The following ITSN1 variants were observed in gnomAD, a reference collection of about 807,000 sequenced individuals.
The protein encoded by ITSN1 is intersectin-1.
In ITSN1, 58 loss-of-function variants were observed where a neutral mutation model predicts 239.8. The observed-to-expected ratio is 0.24, with a 90% CI of 0.20 to 0.30. The LOEUF (loss-of-function observed/expected upper bound fraction) is 0.30, where lower values mean the gene tolerates loss of function less well. ITSN1 is among the 10% of genes least tolerant of loss of function. The pLI is 1.00. For missense variants in ITSN1, 1,558 were observed against 2,103.3 expected, an observed-to-expected ratio of 0.74 and a Z score of 5.07; for synonymous variants, 780 against 770.8, an observed-to-expected ratio of 1.01 and a Z score of -0.20.
At chr21:33,692,357 G>T (rs2091587154) in intron 1 of ITSN1, among the ~76,000 whole-genome samples, 1 of 152,126 alleles carries the variant, frequency 6.6e-6, no homozygotes, top group South Asian at 2.1e-4. Flanking sequence ...TAACTTTAAA[G>T]CATTGATCAT....
At chr21:33,813,242 G>A (rs927680637) in intron 21 of ITSN1, among the ~76,000 whole-genome samples, 2 of 151,904 alleles carry the variant, frequency 1.3e-5, no homozygotes, top group Non-Finnish European at 1.5e-5. Context: ...GTGCAGTGGC[G>A]TGATCTCAGC....
At chr21:33,758,315 A>C (rs1329577061) in intron 8 of ITSN1, among the ~76,000 whole-genome samples, 1 of 151,906 alleles carries the variant, frequency 6.6e-6, no homozygotes, top group African/African-American at 2.4e-5. Flanking sequence ...GGGTTTTGCC[A>C]TGTTCCCCAG....
chr21:33,759,770 A>G (rs1260256126), intron 8 of ITSN1, among the ~76,000 whole-genome samples: 2 of 152,330 alleles, frequency 1.3e-5, no homozygotes, highest in African/African-American at 2.4e-5. Flanking sequence ...TATTAATAGT[A>G]GCCCTAATTG....
Position 33,895,587 on chromosome 21 carries a change from T to TTGTG in ITSN1, c.*7288_*7291dup, listed in dbSNP as rs1290379890. ...CGTGTATGTGTGCGTGTGTGCATGT[T>TTGTG]TGTGAGTGCATGTGTTTGTGCGTGT... is the stretch of plus-strand genomic sequence containing the variant. On this transcript the variant is annotated 3_prime_UTR_variant, in exon 40 of 40. Coordinates refer to ENST00000381318, the MANE Select transcript of ITSN1 (RefSeq NM_003024.3). The TTGTG allele has an allele frequency of 3.7e-5, 5 of 134,974 alleles. No individual in the cohort carries two copies. Among genetic ancestry groups the TTGTG allele is most frequent in the African/African-American group, 1.1e-4 (4 of 37,132 alleles). 8.4% of individuals were successfully genotyped at this position (134,974 alleles called of 1,614,324 possible). A position where few individuals can be genotyped will look rare whatever the true frequency, so the allele number is the denominator to read the frequency against.
chr21:33,671,195 C>G (rs115197438), intron 1 of ITSN1, among the ~76,000 whole-genome samples: 6 of 152,200 alleles, frequency 3.9e-5, no homozygotes, highest in Admixed American at 2.6e-4. Context: ...CCAAAAATAC[C>G]CCACGGATTT....
At chr21:33,728,897 A>G (rs1056513507) in intron 4 of ITSN1, among the ~76,000 whole-genome samples, 2 of 150,140 alleles carry the variant, frequency 1.3e-5, no homozygotes, top group Non-Finnish European at 3.0e-5. Context: ...CCCCTGCCCC[A>G]TAATTGGTTT....
At chr21:33,743,496 TAAA>T (rs1345059582) in intron 5 of ITSN1, among the ~76,000 whole-genome samples, 1 of 151,298 alleles carries the variant, frequency 6.6e-6, no homozygotes, top group Non-Finnish European at 1.5e-5. Context: ...GGAAAAGATA[TAAA>T]AAGAATTTGA....
Position 33,797,500 on chromosome 21 carries a change from G to T in ITSN1, c.2074G>T (p.Asp692Tyr). Residue 692 changes from aspartate (D) to tyrosine (Y), a missense_variant, in exon 18 of 40, where the codon GAT (aspartate) becomes TAT (tyrosine). Asp to Tyr is a radical substitution (Grantham distance 160, BLOSUM62 -3). Transcript: ENST00000381318. The surrounding 1 kb of genome is among the most constrained non-coding windows in gnomAD (Gnocchi z 4.9). ...LKREESVKKK[D>Y]GEEKGKQEAQ... Reference sequence around the variant, plus strand: ...AAGGGAGGAGAGTGTCAAAAAGAAGGATGGCGAGGAAAAAGGCAAACAGGA... The same window carrying T: ...AAGGGAGGAGAGTGTCAAAAAGAAGTATGGCGAGGAAAAAGGCAAACAGGA... 1 of 1,614,164 alleles carries T rather than the reference G, an allele frequency of 6.2e-7. No individual in the cohort carries two copies. Among genetic ancestry groups the T allele is most frequent in the South Asian group, 1.1e-5 (1 of 91,072 alleles).
intron 1 of ITSN1, 50 bp from the exon 2 acceptor site, chr21:33,718,747 A>T: frequency 8.4e-7 from 1 of 1,184,376 alleles, no homozygotes; most frequent in Non-Finnish European, 1.3e-6. Context: ...GTTTATGATT[A>T]TACAGGAATT....
At chr21:33,768,443 G>A (rs1214928157) in intron 11 of ITSN1, among the ~76,000 whole-genome samples, 1 of 152,012 alleles carries the variant, frequency 6.6e-6, no homozygotes, top group Non-Finnish European at 1.5e-5. Context: ...ACCACGCCCG[G>A]CTAATTTTTG....
At chr21:33,876,990 T>C (rs1602689339) in intron 34 of ITSN1, among the ~76,000 whole-genome samples, 1 of 152,134 alleles carries the variant, frequency 6.6e-6, no homozygotes, top group South Asian at 2.1e-4. Flanking sequence ...CTAAACTTAC[T>C]ACCTTGTTTC....
chr21:33,694,958 A>G (rs184283483), intron 1 of ITSN1, among the ~76,000 whole-genome samples: 120 of 152,298 alleles, frequency 7.9e-4, no homozygotes, highest in Admixed American at 7.8e-3. Flanking sequence ...GGTGCGTGCC[A>G]TCATGCCCAG....
chr21:33,820,195 C>A (rs1394719337), intron 24 of ITSN1, among the ~76,000 whole-genome samples: 1 of 152,064 alleles, frequency 6.6e-6, no homozygotes, highest in Non-Finnish European at 1.5e-5. Context: ...CTTTCTCAAT[C>A]TCCACTTGGT....
At chr21:33,861,979 C>T (rs1387366127) in intron 31 of ITSN1, among the ~76,000 whole-genome samples, 6 of 115,088 alleles carry the variant, frequency 5.2e-5, no homozygotes, top group African/African-American at 1.6e-4. Context: ...AAAAAAGAAA[C>T]GTCATCTCTA....
At chr21:33,738,231 C>G (rs561002829) in intron 5 of ITSN1, among the ~76,000 whole-genome samples, 1 of 151,998 alleles carries the variant, frequency 6.6e-6, no homozygotes, top group Non-Finnish European at 1.5e-5. Flanking sequence ...TTTCCTTGCC[C>G]TTATATATAG....
At position 33,750,169 on chromosome 21, in the gene ITSN1, C is replaced by A. The variant is rs1314522112; in HGVS notation, c.373C>A (p.Pro125Thr). ...TATGGGAGGTATCGCCAGCATGCCA[C>A]CGCTTACAGCTGTTGCTCCAGTGCC... Reference protein sequence around the residue: ...FGMGGIASMPPLTAVAPVPMG... With the variant: ...FGMGGIASMPTLTAVAPVPMG... Residue 125 changes from proline (P) to threonine (T), a missense_variant, in exon 6 of 40, where the codon CCG becomes ACG. By Grantham distance (38) the Pro-to-Thr change is conservative. This residue lies in a region of ITSN1 where 982 missense variants were observed against 1,209.9 expected (regional missense o/e 0.81). Transcript: ENST00000381318. The A allele has an allele frequency of 6.2e-7, 1 of 1,614,124 alleles. No homozygotes were observed. The highest frequency in any genetic ancestry group is 1.7e-5 in the Admixed American group (1 of 60,004).
At chr21:33,803,999 C>G (rs560317988) in intron 20 of ITSN1, among the ~76,000 whole-genome samples, 1 of 152,118 alleles carries the variant, frequency 6.6e-6, no homozygotes, top group South Asian at 2.1e-4. Context: ...ATATTGACAT[C>G]TAATAGCAAC....
At position 33,894,318 on chromosome 21, in the gene ITSN1, T is replaced by C. The variant is rs1401984016; in HGVS notation, c.*6018T>C. The C allele has an allele frequency of 1.3e-5, 2 of 152,218 alleles. No homozygotes were observed. Among genetic ancestry groups the C allele is most frequent in the Non-Finnish European group, 2.9e-5 (2 of 68,036 alleles). The allele number at this position is 152,218 out of a possible 1,614,324, so 9.4% of individuals were successfully genotyped here. On this transcript the variant is annotated 3_prime_UTR_variant, in exon 40 of 40. Transcript: ENST00000381318. ...TTACCCTGGCCCTGGGGGAGCCATATTACACCCACATCATAATTTTTCTGA... is the reference window on the plus strand; with the variant it reads ...TTACCCTGGCCCTGGGGGAGCCATACTACACCCACATCATAATTTTTCTGA...
rs1432346857 is a variant in ITSN1 at position 33,865,665 on chromosome 21, C to T, written c.4074+331C>T. On this transcript the variant is annotated intron_variant, in intron 32 of 39. Transcript: ENST00000381318. This position sits in a 1 kb window ranked among gnomAD's most constrained non-coding sequence, Gnocchi z 4.4. ...GGCCCAGGCAGGTCTTAGATTTCCT[C>T]TTGTGTTTAATCGCCACATCCTCAG... is the stretch of plus-strand genomic sequence containing the variant. Among the ~76,000 whole-genome samples the T allele has an allele frequency of 1.3e-5, 2 of 152,230 alleles. No individual in the cohort carries two copies. The highest frequency in any genetic ancestry group is 2.9e-5 in the Non-Finnish European group (2 of 68,032).
Sources: gnomAD v4.1 joint callset for allele counts (sites outside exome capture counted in the v4.1 genomes callset) on GRCh38, gnomAD v4.1.1 for gene constraint, gnomAD v4.1.1 regional missense constraint, Gnocchi (gnomAD v3.1) non-coding constraint, MANE v1.5 for transcripts, NCBI Gene and HGNC (gene_info 2026-07-23, HGNC 2026-07-21) for gene names.